HAPSTR1: variants seen among roughly 807,000 people sequenced by gnomAD.
HAPSTR1 encodes HUWE1 associated protein modifying stress responses.
chr16:9,093,889 T>G, the HAPSTR1 span, among the ~76,000 whole-genome samples: 7 of 152,292 alleles, frequency 4.6e-5, no homozygotes, highest in African/African-American at 1.7e-4. Context: ...TTGACTTTGT[T>G]AATCTTAAGA....
At chr16:9,103,952 C>T in the HAPSTR1 span, 1 of 152,136 alleles carries the variant, frequency 6.6e-6, no homozygotes, top group African/African-American at 2.4e-5. Context: ...CTAATACAGA[C>T]TTCCAAATAG....
chr16:9,108,698 T>C, the HAPSTR1 span: 4 of 152,278 alleles, frequency 2.6e-5, no homozygotes, highest in Admixed American at 2.6e-4. Context: ...GACTTAAAGG[T>C]GAATGACCAA....
At chr16:9,093,984 GTATTTTTGCCATATA>G in the HAPSTR1 span, among the ~76,000 whole-genome samples, 1 of 152,016 alleles carries the variant, frequency 6.6e-6, no homozygotes, top group South Asian at 2.1e-4. Context: ...ACCAATATTG[GTATTTTTGCCATATA>G]TATTTAGGCC....
chr16:9,110,907 G>C, the HAPSTR1 span: 1 of 152,268 alleles, frequency 6.6e-6, no homozygotes, highest in African/African-American at 2.4e-5. Context: ...GGGTGGTGGC[G>C]CATGCCTGTA....
chr16:9,113,258 T>A, the HAPSTR1 span: 1 of 152,198 alleles, frequency 6.6e-6, no homozygotes, highest in Non-Finnish European at 1.5e-5. Context: ...TAGGCAGACT[T>A]TGAAAATATT....
At chr16:9,092,239 C>T in the HAPSTR1 span, 11 of 1,578,770 alleles carry the variant, frequency 7.0e-6, no homozygotes, top group African/African-American at 1.3e-5. Flanking sequence ...TCTTCCAGAA[C>T]TCGGCCACCG....
At chr16:9,096,828 G>A in the HAPSTR1 span, among the ~76,000 whole-genome samples, 6 of 151,912 alleles carry the variant, frequency 3.9e-5, no homozygotes, top group Admixed American at 2.6e-4. Flanking sequence ...GTGAGATCCC[G>A]TGTCTTAAAA....
At chr16:9,112,800 C>G in the HAPSTR1 span, 1 of 152,108 alleles carries the variant, frequency 6.6e-6, no homozygotes, top group Non-Finnish European at 1.5e-5. Flanking sequence ...TGAAACCATC[C>G]TCATCTTTTC....
the HAPSTR1 span, chr16:9,103,497 C>T: frequency 2.0e-6 from 1 of 490,916 alleles, no homozygotes. Context: ...GTTAAAATGA[C>T]ATATCTTTCT....
the HAPSTR1 span, chr16:9,106,763 AATTG>A: frequency 6.6e-6 from 1 of 152,122 alleles, no homozygotes; most frequent in Non-Finnish European, 1.5e-5. Context: ...GCATGTGCTA[AATTG>A]ATTTCTGTCT....
At chr16:9,092,892 G>T in the HAPSTR1 span, 73 of 1,267,842 alleles carry the variant, frequency 5.8e-5, no homozygotes, top group African/African-American at 1.4e-4. Flanking sequence ...TTTCTTTTTG[G>T]TTTTTTTTTT....
At chr16:9,094,574 T>C in the HAPSTR1 span, among the ~76,000 whole-genome samples, 1 of 152,114 alleles carries the variant, frequency 6.6e-6, no homozygotes, top group Non-Finnish European at 1.5e-5. Flanking sequence ...TTTTTTCTCC[T>C]CCATCATGTC....
chr16:9,092,316 C>G, the HAPSTR1 span: 6 of 1,427,368 alleles, frequency 4.2e-6, no homozygotes, highest in South Asian at 7.0e-5. Context: ...CGCCCCCGCC[C>G]GGGCCCGGCC....
chr16:9,116,583 AT>A, the HAPSTR1 span: 1 of 1,519,368 alleles, frequency 6.6e-7, no homozygotes, highest in Non-Finnish European at 8.9e-7. Context: ...ATGCTTTGAC[AT>A]TGTGACAACA....
At chr16:9,092,648 A>G in the HAPSTR1 span, among the ~76,000 whole-genome samples, 1 of 150,034 alleles carries the variant, frequency 6.7e-6, no homozygotes, top group Admixed American at 6.8e-5. Context: ...CGGGGCGGGG[A>G]CTGCCAGGGG....
chr16:9,097,610 G>A, the HAPSTR1 span, among the ~76,000 whole-genome samples: 4 of 152,210 alleles, frequency 2.6e-5, no homozygotes, highest in Non-Finnish European at 4.4e-5. Context: ...GGCTTTAGCT[G>A]TATGGCCATG....
the HAPSTR1 span, among the ~76,000 whole-genome samples, chr16:9,114,124 G>A: frequency 7.9e-5 from 12 of 152,072 alleles, no homozygotes; most frequent in Non-Finnish European, 1.8e-4. Flanking sequence ...GGTTTATTTT[G>A]TTTTTTAAAA....
the HAPSTR1 span, among the ~76,000 whole-genome samples, chr16:9,092,696 G>C: frequency 6.6e-6 from 1 of 152,092 alleles, no homozygotes; most frequent in Non-Finnish European, 1.5e-5. Flanking sequence ...CCTGATCTGT[G>C]CCCCTGAGCT....
the HAPSTR1 span, among the ~76,000 whole-genome samples, chr16:9,102,300 A>G: frequency 1.3e-5 from 1 of 76,790 alleles, no homozygotes. Context: ...AAATTTTCAA[A>G]TTTTTTTTCA....
Sources: gnomAD v4.1 joint callset for allele counts (sites outside exome capture counted in the v4.1 genomes callset) on GRCh38, gnomAD v4.1.1 for gene constraint, MANE v1.5 for transcripts, NCBI Gene and HGNC (gene_info 2026-07-23, HGNC 2026-07-21) for gene names.